RFX1: variants seen among roughly 807,000 people sequenced by gnomAD.
RFX1 encodes the protein MHC class II regulatory factor RFX1.
A neutral mutation model predicts 119.6 loss-of-function variants in RFX1; 42 were observed. The ratio of observed to expected loss-of-function variants is 0.35; its 90% confidence interval spans 0.27 to 0.45. The LOEUF (loss-of-function observed/expected upper bound fraction) is 0.45. RFX1 is among the 20% of genes least tolerant of loss of function. The pLI is 1.00. For synonymous variants in RFX1, 628 were observed against 618.5 expected, an observed-to-expected ratio of 1.02 and a Z score of -0.23; for missense variants, 1,118 against 1,368.1, an observed-to-expected ratio of 0.82 and a Z score of 2.88.
Position 13,980,799 on chromosome 19 carries a change from CTG to C in RFX1, c.622-112_622-111del. The C allele has an allele frequency of 1.6e-6, 1 of 627,264 alleles. No homozygotes were observed. The highest frequency in any genetic ancestry group is 2.8e-6 in the Non-Finnish European group (1 of 360,062). The allele number at this position is 627,264 out of a possible 1,614,324, so 38.9% of individuals were successfully genotyped here. ...AGAGCTGTCTGGGGAGGGCGGCAGT[CTG>C]TGGGGACCTATCCCAACCACCGAGG... is the stretch of plus-strand genomic sequence containing the variant. On this transcript the variant is annotated intron_variant, in intron 5 of 20. Coordinates refer to ENST00000254325, the MANE Select transcript of RFX1 (RefSeq NM_002918.5). This position sits in a 1 kb window ranked among gnomAD's most constrained non-coding sequence, Gnocchi z 5.1.
chr19:13,995,564 G>T (rs993583082), intron 1 of RFX1, among the ~76,000 whole-genome samples: 5 of 152,146 alleles, frequency 3.3e-5, no homozygotes, highest in African/African-American at 1.2e-4. Context: ...AACAGGGCCG[G>T]CCTTGGCCAA....
intron 4 of RFX1, among the ~76,000 whole-genome samples, chr19:13,982,825 C>T (rs542087007): frequency 4.6e-5 from 7 of 152,328 alleles, no homozygotes; most frequent in Non-Finnish European, 8.8e-5. Flanking sequence ...CGGGTGTGCG[C>T]GGCACCTCAT....
intron 1 of RFX1, among the ~76,000 whole-genome samples, chr19:13,994,935 T>A (rs1256592514): frequency 8.7e-6 from 1 of 114,980 alleles, no homozygotes; most frequent in African/African-American, 3.3e-5. Context: ...TATATATATA[T>A]ATAATCATTT....
intron 2 of RFX1, 52 bp from the exon 3 acceptor site, chr19:13,983,647 C>G: frequency 6.8e-7 from 1 of 1,462,016 alleles, no homozygotes; most frequent in African/African-American, 1.4e-5. Context: ...TGCCCCCAGC[C>G]TAAGCCTGAG....
In RFX1 at chr19:13,965,767, C is replaced by A; in HGVS notation, c.1972G>T (p.Ala658Ser). 6.2e-7 allele frequency: 1 copy of A among 1,613,634 alleles called. No homozygotes were observed. Among genetic ancestry groups the A allele is most frequent in the Non-Finnish European group, 8.5e-7 (1 of 1,179,926 alleles). ...ATGGCTTTGGGCAGTCGCTTCTCGG[C>A]CTCGTCATGTCTGCGGGCACCCACC... is the stretch of plus-strand genomic sequence containing the variant. Reference protein sequence around the residue: ...EAPPLAVHDEAEKRLPKAILV... With the variant: ...EAPPLAVHDESEKRLPKAILV... The change falls in exon 15 of 21, where the codon GCC (alanine) becomes TCC (serine). Residue 658 changes from alanine (A) to serine (S), a missense_variant. Physicochemically the swap from Ala to Ser is moderately conservative, Grantham distance 99. Around this residue, in one of 5 missense-constraint regions of RFX1, gnomAD observed 338 missense variants for 508.9 expected, o/e 0.66. Coordinates refer to ENST00000254325, the MANE Select transcript of RFX1 (RefSeq NM_002918.5). The surrounding 1 kb of genome is among the most constrained non-coding windows in gnomAD (Gnocchi z 4.7).
At chr19:13,992,464 C>A (rs763428977) in intron 2 of RFX1, among the ~76,000 whole-genome samples, 1 of 152,216 alleles carries the variant, frequency 6.6e-6, no homozygotes, top group Non-Finnish European at 1.5e-5. Context: ...GCTCTCAACA[C>A]AGGTCCTGCG....
chr19:13,968,842 G>C lies in RFX1; in HGVS notation c.1549C>G (p.Leu517Val), dbSNP rs952913844. ...TGCTGGTCCTCCATCAGCCGCAGCA[G>C]GGGTGAGCTGGCCTTGATGCGCAGG... ...YGLRIKASSPLLRLMEDQQHM... is the reference protein window; with the variant it reads ...YGLRIKASSPVLRLMEDQQHM... Residue 517 changes from leucine to valine, a missense_variant, in exon 11 of 21, where the codon CTG becomes GTG. By Grantham distance (32) the Leu-to-Val change is conservative. Transcript: ENST00000254325. The surrounding 1 kb of genome is among the most constrained non-coding windows in gnomAD (Gnocchi z 5.5). The C allele has an allele frequency of 6.4e-7, 1 of 1,554,456 alleles. No homozygotes were observed. Among genetic ancestry groups the C allele is most frequent in the African/African-American group, 1.4e-5 (1 of 73,328 alleles).
rs1973727175 is a variant in RFX1 at position 13,962,570 on chromosome 19, C to T, written c.*125G>A. ...ATAAGGGAGGAGGGCCCCGGTCTTC[C>T]CTGTCTCGGAGTCCCCCTCCCTGCC... On this transcript the variant is annotated 3_prime_UTR_variant, in exon 21 of 21. Coordinates refer to ENST00000254325, the MANE Select transcript of RFX1 (RefSeq NM_002918.5). 5.1e-6 allele frequency: 4 copies of T among 786,072 alleles called. No homozygotes were observed. The highest frequency in any genetic ancestry group is 3.0e-5 in the East Asian group (1 of 32,962). 48.7% of individuals were successfully genotyped at this position (786,072 alleles called of 1,614,324 possible).
chr19:13,993,473 T>G (rs1371217446), intron 2 of RFX1, 52 bp downstream of exon 2: 2 of 1,548,332 alleles, frequency 1.3e-6, no homozygotes, highest in Admixed American at 3.5e-5. Flanking sequence ...GGGTCTAGGC[T>G]ATCTGAACAA....
At chr19:13,988,124 T>G (rs1027581139) in intron 2 of RFX1, among the ~76,000 whole-genome samples, 3 of 151,852 alleles carry the variant, frequency 2.0e-5, no homozygotes, top group Admixed American at 6.6e-5. Context: ...CCTCCCAGGT[T>G]CGAGCGATTC....
In RFX1 at chr19:13,966,597, T is replaced by C; in HGVS notation, c.1851+36A>G. On this transcript the variant is annotated intron_variant, in intron 13 of 20. Coordinates refer to ENST00000254325, the MANE Select transcript of RFX1 (RefSeq NM_002918.5). The surrounding 1 kb of genome is among the most constrained non-coding windows in gnomAD (Gnocchi z 6.3). ...TGGCCCTCCCATGCCCGTGGCTGCG[T>C]CCCCGTCCACTTGCCTGCCCACCTG... 2.6e-6 allele frequency: 4 copies of C among 1,548,876 alleles called. No individual in the cohort carries two copies. In the South Asian group the frequency reaches 4.7e-5, roughly 18 times the overall value.
At chr19:13,971,984 G>A (rs1351512777) in intron 9 of RFX1, among the ~76,000 whole-genome samples, 3 of 152,020 alleles carry the variant, frequency 2.0e-5, no homozygotes, top group East Asian at 1.9e-4. Context: ...TCAGCCTGGC[G>A]ACAGAGCAAG....
intron 1 of RFX1, among the ~76,000 whole-genome samples, chr19:13,994,889 CATACATATATAT>C (rs1974944847): frequency 1.6e-5 from 1 of 64,070 alleles, no homozygotes; most frequent in Non-Finnish European, 2.8e-5. Context: ...TTGAAATATA[CATACATATATAT>C]ATATATATAT....
chr19:13,983,056 G>A (rs1477493383), intron 4 of RFX1, 131 bp downstream of exon 4: 5 of 686,642 alleles, frequency 7.3e-6, no homozygotes, highest in Non-Finnish European at 9.8e-6. Context: ...CCAGAGCCAG[G>A]AGGTAGGGCA....
At chr19:13,995,278 C>A (rs1433596509) in intron 1 of RFX1, among the ~76,000 whole-genome samples, 1 of 152,038 alleles carries the variant, frequency 6.6e-6, no homozygotes, top group Non-Finnish European at 1.5e-5. Flanking sequence ...AGCTGCCTCC[C>A]AGGGACCCGT....
intron 20 of RFX1, 46 bp from the exon 21 acceptor site, chr19:13,962,910 C>A (rs1973750082): frequency 6.5e-7 from 1 of 1,542,582 alleles, no homozygotes; most frequent in Non-Finnish European, 8.8e-7. Context: ...GTGGCAACGC[C>A]CCCGGGCTCC....
At position 13,993,875 on chromosome 19, in the gene RFX1, GC is replaced by G. The variant is rs1413858049; in HGVS notation, c.-33del. 4.1e-6 allele frequency: 6 copies of G among 1,458,414 alleles called. No individual in the cohort carries two copies. The African/African-American group carries it at 5.9e-5, about 14-fold the overall frequency. 90.3% of individuals were successfully genotyped at this position (1,458,414 alleles called of 1,614,324 possible). ...GGTGGGGAAAATGATAATAAATAAG[GC>G]TTTTTTTTTTTTTTAATTCCTTGGG... is the stretch of plus-strand genomic sequence containing the variant. On this transcript the variant is annotated 5_prime_UTR_variant, in exon 2 of 21. Transcript: ENST00000254325.
intron 1 of RFX1, among the ~76,000 whole-genome samples, chr19:14,002,423 T>G (rs954610989): frequency 8.6e-5 from 13 of 151,556 alleles, no homozygotes; most frequent in Non-Finnish European, 1.6e-4. Context: ...AGGTGGAGGT[T>G]GCGGTGAGCT....
At chr19:13,964,051 A>G in intron 16 of RFX1, 44 bp from the exon 17 acceptor site, 4 of 1,513,506 alleles carry the variant, frequency 2.6e-6, no homozygotes, top group Non-Finnish European at 2.6e-6. Context: ...AAGGAACCCC[A>G]GCCCGCCAGC....
Sources: allele counts gnomAD v4.1 joint callset (sites outside exome capture counted in the v4.1 genomes callset), GRCh38; gene constraint gnomAD v4.1.1; regional missense constraint gnomAD v4.1.1; non-coding constraint Gnocchi (gnomAD v3.1); transcripts MANE v1.5; gene names NCBI Gene and HGNC (gene_info 2026-07-23, HGNC 2026-07-21).